MYBBP1A: variants seen among roughly 807,000 people sequenced by gnomAD.
The protein encoded by MYBBP1A is myb-binding protein 1A.
In MYBBP1A, 147 loss-of-function variants were observed where a neutral mutation model predicts 136.3. That is an observed-to-expected ratio of 1.08 (90% CI 0.94 to 1.24). The LOEUF is 1.24. Ranked by LOEUF, MYBBP1A falls within the 50% of genes most tolerant of loss-of-function variation. The pLI is 0.00. For synonymous variants in MYBBP1A, 947 were observed against 735.8 expected, an observed-to-expected ratio of 1.29 and a Z score of -4.65; for missense variants, 2,060 against 1,727.4, an observed-to-expected ratio of 1.19 and a Z score of -3.41.
rs1192394479 is a variant in MYBBP1A at position 4,544,583 on chromosome 17, G to A, written c.2545C>T (p.Leu849=). 8 of 1,578,152 alleles carry A rather than the reference G, an allele frequency of 5.1e-6. No homozygotes were observed. The highest frequency in any genetic ancestry group is 1.8e-5 in the Admixed American group (1 of 55,460). The change falls in exon 19 of 26, where the codon CTG becomes TTG. Residue 849 remains leucine (L), a synonymous_variant. Transcript: ENST00000254718. ...QPENALVLEL[L]EPLLSIIRRS... is the part of the protein sequence containing the mutation. ...CGGATGATGCTCAGCAGCGGCTCCA[G>A]CAGCTCCAGGACCAGGGCATTCTCG...
In MYBBP1A at chr17:4,548,062, G is replaced by A. The variant is rs368346779; in HGVS notation, c.1725-5C>T. On this transcript the variant is annotated splice_polypyrimidine_tract_variant and splice_region_variant and intron_variant, in intron 12 of 25. Transcript: ENST00000254718. The surrounding 1 kb of genome is among the most constrained non-coding windows in gnomAD (Gnocchi z 4.2). ...TCCTTCAGAGTCTGCAGCATCCTGC[G>A]GGGAGACAGGCGATTCCCAGGCCCC... 608 of 1,583,410 alleles carry A rather than the reference G, an allele frequency of 3.8e-4. 2 individuals are homozygous for A. In the African/African-American group the frequency reaches 7.3e-3, roughly 19 times the overall value.
rs761030590 is a variant in MYBBP1A at position 4,552,513 on chromosome 17, C to G, written c.675G>C (p.Val225=). ...LELFLLAQQK[V]PSKLKKLVGS... is the part of the protein sequence containing the mutation. ...CCACCAGCTTCTTGAGCTTGGAGGG[C>G]ACCTTCTGCTGGGCCAGGAGGAAGA... Residue 225 remains valine, a synonymous_variant, in exon 6 of 26, where the codon GTG becomes GTC. Transcript: ENST00000254718. The surrounding 1 kb of genome is among the most constrained non-coding windows in gnomAD (Gnocchi z 4.7). The G allele has an allele frequency of 6.2e-7, 1 of 1,613,930 alleles. No individual in the cohort carries two copies. The highest frequency in any genetic ancestry group is 1.1e-5 in the South Asian group (1 of 91,076).
At position 4,543,174 on chromosome 17, in the gene MYBBP1A, G is replaced by A. The variant is rs1906632756; in HGVS notation, c.2640-9C>T. 1.9e-6 allele frequency: 3 copies of A among 1,597,444 alleles called. No homozygotes were observed. Among genetic ancestry groups the A allele is most frequent in the Non-Finnish European group, 2.6e-6 (3 of 1,173,008 alleles). On this transcript the variant is annotated splice_polypyrimidine_tract_variant and intron_variant, in intron 19 of 25. Coordinates refer to ENST00000254718, the MANE Select transcript of MYBBP1A (RefSeq NM_014520.4). ...CACGGCACAGGTGGTGCCTGTGGGTGGTGAGGACGAGAGCTGGTCAGAACA... is the reference window on the plus strand; with the variant it reads ...CACGGCACAGGTGGTGCCTGTGGGTAGTGAGGACGAGAGCTGGTCAGAACA...
intron 5 of MYBBP1A, 28 bp downstream of exon 5, chr17:4,553,782 T>A: frequency 6.3e-7 from 1 of 1,585,030 alleles, no homozygotes; most frequent in Non-Finnish European, 8.7e-7. Context: ...AAGTGTTGCC[T>A]GGGCCCGCAC....
chr17:4,543,294 CCA>C, intron 19 of MYBBP1A, 129 bp from the exon 20 acceptor site: 4 of 1,330,024 alleles, frequency 3.0e-6, no homozygotes, highest in Non-Finnish European at 1.0e-6. Context: ...GCGACCCAGG[CCA>C]CAGAGGAGGG....
At chr17:4,543,894 C>G (rs563233858) in intron 19 of MYBBP1A, among the ~76,000 whole-genome samples, 5 of 149,600 alleles carry the variant, frequency 3.3e-5, no homozygotes, top group East Asian at 1.9e-4. Flanking sequence ...CCCTTCCCCA[C>G]GCCACTGCTC....
At position 4,548,423 on chromosome 17, in the gene MYBBP1A, G is replaced by C. The variant is rs1363305354; in HGVS notation, c.1556+101C>G. 1.9e-6 allele frequency: 3 copies of C among 1,604,886 alleles called. No individual in the cohort carries two copies. The highest frequency in any genetic ancestry group is 2.2e-5 in the South Asian group (2 of 90,720). ...CCTCTCCAGGACCTACTAGAACTCC[G>C]GGGGCCTCTGCCGTTGTTCCCAGCT... On this transcript the variant is annotated intron_variant, in intron 11 of 25. Coordinates refer to ENST00000254718, the MANE Select transcript of MYBBP1A (RefSeq NM_014520.4). This position sits in a 1 kb window ranked among gnomAD's most constrained non-coding sequence, Gnocchi z 4.2.
Position 4,552,315 on chromosome 17 carries a change from G to A in MYBBP1A, c.738-23C>T, listed in dbSNP as rs752063030. The A allele has an allele frequency of 1.2e-6, 2 of 1,613,232 alleles. No individual in the cohort carries two copies. The highest frequency in any genetic ancestry group is 1.3e-5 in the African/African-American group (1 of 75,050). Reference sequence around the variant, plus strand: ...AGCCTGCGGAGGGCAAGGGACTCAGGGAACACTTGCCTCACAGGCAAGGGC... The same window carrying A: ...AGCCTGCGGAGGGCAAGGGACTCAGAGAACACTTGCCTCACAGGCAAGGGC... On this transcript the variant is annotated intron_variant, in intron 6 of 25. Transcript: ENST00000254718. The surrounding 1 kb of genome is among the most constrained non-coding windows in gnomAD (Gnocchi z 4.7).
rs371613518 is a variant in MYBBP1A at position 4,539,960 on chromosome 17, T to C, written c.3442A>G (p.Lys1148Glu). 57 of 1,597,998 alleles carry C rather than the reference T, an allele frequency of 3.6e-5. No homozygotes were observed. The highest frequency in any genetic ancestry group is 1.0e-4 in the Admixed American group (6 of 59,956). ...AMKTLGVQRP[K>E]LEKKDAKEIP... ...TCCTTGGCATCCTTCTTCTCCAACTTGGGGCGCCTGAAGGGAAGTGAGCAA... is the reference window on the plus strand; with the variant it reads ...TCCTTGGCATCCTTCTTCTCCAACTCGGGGCGCCTGAAGGGAAGTGAGCAA... The change falls in exon 26 of 26, where the codon AAG (lysine) becomes GAG (glutamate). Residue 1148 changes from lysine (K) to glutamate (E), a missense_variant. Physicochemically the swap from Lys to Glu is moderately conservative, Grantham distance 56. Coordinates refer to ENST00000254718, the MANE Select transcript of MYBBP1A (RefSeq NM_014520.4).
At chr17:4,550,375 C>A in intron 8 of MYBBP1A, 22 bp from the exon 9 acceptor site, 1 of 1,594,572 alleles carries the variant, frequency 6.3e-7, no homozygotes. Flanking sequence ...AGGCATGGCG[C>A]TGAGCCCACC....
rs1247473594 is a variant in MYBBP1A, at chr17:4,545,272, A to C, written c.2147T>G (p.Leu716Arg). ...VVTDDSDERR[L>R]KGAEDKSEEG... ...TGCTGGCAACACCTCTGCACCCTTC[A>C]GCCGCCGCTCATCAGAATCGTCCGT... The change falls in exon 16 of 26, where the codon CTG becomes CGG. Residue 716 changes from leucine (L) to arginine (R), a missense_variant. Leu to Arg is a moderately radical substitution (Grantham distance 102). Coordinates refer to ENST00000254718, the MANE Select transcript of MYBBP1A (RefSeq NM_014520.4). The C allele has an allele frequency of 1.2e-6, 2 of 1,610,158 alleles. No individual in the cohort carries two copies. The highest frequency in any genetic ancestry group is 1.7e-6 in the Non-Finnish European group (2 of 1,179,250).
At position 4,541,549 on chromosome 17, in the gene MYBBP1A, C is replaced by T. The variant is rs762643189; in HGVS notation, c.3211G>A (p.Gly1071Arg). 39 of 1,612,448 alleles carry T rather than the reference C, an allele frequency of 2.4e-5. No individual in the cohort carries two copies. Among genetic ancestry groups the T allele is most frequent in the Admixed American group, 2.0e-4 (12 of 59,996 alleles). Residue 1071 changes from glycine (G) to arginine (R), a missense_variant, in exon 24 of 26, where the codon GGG becomes AGG. Coordinates refer to ENST00000254718, the MANE Select transcript of MYBBP1A (RefSeq NM_014520.4). The stretch of plus-strand genomic sequence containing the variant: ...TGCTGCGCCTTGGTCTGCGCCTCCC[C>T]CAGCACGCGCAAGTTCTAGGGAAGG... ...AKVTENLRVL[G>R]EAQTKAQHQQ...
intron 19 of MYBBP1A, 131 bp from the exon 20 acceptor site, chr17:4,543,296 A>G (rs1906643773): frequency 7.6e-7 from 1 of 1,307,302 alleles, no homozygotes; most frequent in African/African-American, 1.5e-5. Context: ...GACCCAGGCC[A>G]CAGAGGAGGG....
chr17:4,551,302 C>T (rs968865257), intron 8 of MYBBP1A, among the ~76,000 whole-genome samples: 4 of 152,252 alleles, frequency 2.6e-5, no homozygotes, highest in Non-Finnish European at 4.4e-5. Context: ...ATGGTCATGA[C>T]GACTGTTCTC....
At chr17:4,542,862 C>T in intron 20 of MYBBP1A, 51 bp downstream of exon 20, 3 of 1,608,100 alleles carry the variant, frequency 1.9e-6, no homozygotes, top group Non-Finnish European at 2.6e-6. Context: ...CCGGCCTCCA[C>T]TCCCTGGCTG....
At position 4,552,095 on chromosome 17, in the gene MYBBP1A, G is replaced by A. The variant is rs1264651058; in HGVS notation, c.905+30C>T. 4 of 1,605,976 alleles carry A rather than the reference G, an allele frequency of 2.5e-6. No individual in the cohort carries two copies. Among genetic ancestry groups the A allele is most frequent in the East Asian group, 2.2e-5 (1 of 44,818 alleles). On this transcript the variant is annotated intron_variant, in intron 7 of 25. Transcript: ENST00000254718. The surrounding 1 kb of genome is among the most constrained non-coding windows in gnomAD (Gnocchi z 4.7). ...TAGCCCACTTCACGGACAGGGAAGG[G>A]GGCCGAGAGAGGACACGCGTCGCCC...
intron 5 of MYBBP1A, among the ~76,000 whole-genome samples, chr17:4,553,584 G>A (rs768295784): frequency 6.6e-6 from 1 of 152,192 alleles, no homozygotes; most frequent in Non-Finnish European, 1.5e-5. Context: ...TTATACCAAT[G>A]CACACTGAAA....
Position 4,543,072 on chromosome 17 carries a change from A to C in MYBBP1A, c.2733T>G (p.Ala911=). 2 of 1,613,258 alleles carry C rather than the reference A, an allele frequency of 1.2e-6. No individual in the cohort carries two copies. Among genetic ancestry groups the C allele is most frequent in the South Asian group, 2.2e-5 (2 of 91,086 alleles). Residue 911 remains alanine, a synonymous_variant, in exon 20 of 26, where the codon GCT becomes GCG. Coordinates refer to ENST00000254718, the MANE Select transcript of MYBBP1A (RefSeq NM_014520.4). ...HAQVERLVQQ[A]GRQPDSPTAL... The stretch of plus-strand genomic sequence containing the variant: ...CGGTGGGGGAGTCGGGCTGGCGGCC[A>C]GCCTGCTGCACCAACCGCTCCACCT...
Position 4,552,637 on chromosome 17 carries a change from A to C in MYBBP1A, c.562-11T>G, listed in dbSNP as rs747380055. 3 of 1,608,952 alleles carry C rather than the reference A, an allele frequency of 1.9e-6. No homozygotes were observed. Among genetic ancestry groups the C allele is most frequent in the Admixed American group, 3.3e-5 (2 of 59,872 alleles). ...TGTGGCCTTCGAGACCTAAGGATGG[A>C]GGGAGAAGAAATCGTGACTTCCTCT... On this transcript the variant is annotated splice_polypyrimidine_tract_variant and intron_variant, in intron 5 of 25. Transcript: ENST00000254718. This position sits in a 1 kb window ranked among gnomAD's most constrained non-coding sequence, Gnocchi z 4.7.
Sources: gnomAD v4.1 joint callset for allele counts (sites outside exome capture counted in the v4.1 genomes callset) on GRCh38, gnomAD v4.1.1 for gene constraint, Gnocchi (gnomAD v3.1) non-coding constraint, MANE v1.5 for transcripts, NCBI Gene and HGNC (gene_info 2026-07-23, HGNC 2026-07-21) for gene names.